HHAT: variants seen among roughly 807,000 people sequenced by gnomAD.
HHAT encodes protein-cysteine N-palmitoyltransferase HHAT.
In HHAT, 47 loss-of-function variants were observed where a neutral mutation model predicts 70.8. That is an observed-to-expected ratio of 0.66 (90% CI 0.53 to 0.85). The LOEUF is 0.85. Ranked by LOEUF, HHAT falls within the 40% of genes least tolerant of loss-of-function variation. HHAT has a pLI of 0.00. For missense variants in HHAT, 609 were observed against 604.8 expected (o/e 1.01, Z -0.07); for synonymous variants, 228 against 247.6 (o/e 0.92, Z 0.74).
At chr1:210,499,278 C>A (rs1483202195) in intron 8 of HHAT, among the ~76,000 whole-genome samples, 1 of 152,174 alleles carries the variant, frequency 6.6e-6, no homozygotes, top group Non-Finnish European at 1.5e-5. Context: ...GTGACATTGA[C>A]AGTTCACAAA....
chr1:210,651,091 A>G (rs1158595682), intron 11 of HHAT, among the ~76,000 whole-genome samples: 1 of 152,204 alleles, frequency 6.6e-6, no homozygotes, highest in Non-Finnish European at 1.5e-5. Context: ...TCACAGGAGA[A>G]AGAGAACACT....
intron 11 of HHAT, among the ~76,000 whole-genome samples, chr1:210,670,030 G>C (rs1679766952): frequency 6.6e-6 from 1 of 152,146 alleles, no homozygotes; most frequent in South Asian, 2.1e-4. Flanking sequence ...GTGGACTGCA[G>C]GGGGAGGAAG....
chr1:210,425,465 A>G (rs1309259822), intron 7 of HHAT, among the ~76,000 whole-genome samples: 2 of 151,966 alleles, frequency 1.3e-5, no homozygotes, highest in Non-Finnish European at 2.9e-5. Context: ...CAGGATTTTT[A>G]TAGTTTTGGG....
chr1:210,419,548 A>G (rs1235155138), intron 7 of HHAT, among the ~76,000 whole-genome samples: 1 of 152,222 alleles, frequency 6.6e-6, no homozygotes, highest in African/African-American at 2.4e-5. Flanking sequence ...GTGATCCTCC[A>G]GGCAGATCAA....
intron 11 of HHAT, among the ~76,000 whole-genome samples, chr1:210,629,646 T>TA (rs1374322517): frequency 6.6e-6 from 1 of 152,216 alleles, no homozygotes; most frequent in Non-Finnish European, 1.5e-5. Flanking sequence ...CTGGAGGCTA[T>TA]AGGGGAGAAG....
At chr1:210,491,531 GCTT>G (rs1480849684) in intron 8 of HHAT, among the ~76,000 whole-genome samples, 1 of 152,168 alleles carries the variant, frequency 6.6e-6, no homozygotes, top group Non-Finnish European at 1.5e-5. Flanking sequence ...TTGGTTTTCA[GCTT>G]CTTCATCTGT....
intron 10 of HHAT, among the ~76,000 whole-genome samples, chr1:210,618,373 T>G (rs1243547195): frequency 6.6e-6 from 1 of 152,166 alleles, no homozygotes; most frequent in East Asian, 1.9e-4. Flanking sequence ...CCCTTGCCAT[T>G]GCCTTTTTCA....
intron 3 of HHAT, among the ~76,000 whole-genome samples, chr1:210,363,366 A>G (rs2088568783): frequency 6.6e-6 from 1 of 152,210 alleles, no homozygotes; most frequent in African/African-American, 2.4e-5. Context: ...GGGCGGTGCC[A>G]GGTGGCTGGC....
At chr1:210,427,790 A>G (rs2093110385) in intron 7 of HHAT, among the ~76,000 whole-genome samples, 1 of 152,062 alleles carries the variant, frequency 6.6e-6, no homozygotes, top group Admixed American at 6.6e-5. Flanking sequence ...TTGGGCGGAA[A>G]GTTCTGCAGA....
chr1:210,422,268 G>A (rs1399543572), intron 7 of HHAT, among the ~76,000 whole-genome samples: 1 of 152,110 alleles, frequency 6.6e-6, no homozygotes, highest in Non-Finnish European at 1.5e-5. Flanking sequence ...TCATTTCTTT[G>A]TGTTGGGAAC....
intron 10 of HHAT, among the ~76,000 whole-genome samples, chr1:210,594,530 T>C (rs901345739): frequency 2.6e-5 from 4 of 152,214 alleles, no homozygotes; most frequent in Non-Finnish European, 5.9e-5. Context: ...TTAAAAGTTG[T>C]TGTTGTTATT....
rs1304901524 is a variant in HHAT, at chr1:210,349,074, C to T, written c.91+8C>T. ...TTTACAAAGTCTCCAGAGGTAAGGC[C>T]CCAAGCTTTTCAGACCTCCTATCAA... On this transcript the variant is annotated splice_region_variant and intron_variant, in intron 2 of 11. Transcript: ENST00000261458. 6 of 1,612,410 alleles carry T rather than the reference C, an allele frequency of 3.7e-6. No homozygotes were observed. The highest frequency in any genetic ancestry group is 5.1e-6 in the Non-Finnish European group (6 of 1,179,598).
At chr1:210,527,736 A>AG (rs2095268495) in intron 9 of HHAT, among the ~76,000 whole-genome samples, 2 of 152,230 alleles carry the variant, frequency 1.3e-5, no homozygotes, top group African/African-American at 4.8e-5. Context: ...GTGCGCCAAC[A>AG]GGGTGGCCCT....
At chr1:210,399,589 C>G (rs1191611777) in intron 4 of HHAT, among the ~76,000 whole-genome samples, 1 of 152,096 alleles carries the variant, frequency 6.6e-6, no homozygotes, top group East Asian at 1.9e-4. Context: ...TCAGGTCACA[C>G]AGGTAGTTAT....
At chr1:210,614,656 G>A (rs1217151088) in intron 10 of HHAT, among the ~76,000 whole-genome samples, 2 of 152,078 alleles carry the variant, frequency 1.3e-5, no homozygotes, top group East Asian at 1.9e-4. Flanking sequence ...GTGAGAACAT[G>A]CGGTGTTTGG....
intron 11 of HHAT, among the ~76,000 whole-genome samples, chr1:210,639,777 G>A (rs78396241): frequency 6.6e-4 from 100 of 152,254 alleles, no homozygotes; most frequent in African/African-American, 2.3e-3. Context: ...TTGTGTCATC[G>A]TTAGTATGAT....
At chr1:210,673,585 CTTCT>C (rs1362352229) in intron 11 of HHAT, among the ~76,000 whole-genome samples, 2 of 88,376 alleles carry the variant, frequency 2.3e-5, no homozygotes, top group East Asian at 5.9e-4. Context: ...AACGTGGATT[CTTCT>C]TTTTTTTTTT....
chr1:210,538,413 T>C (rs1174953359), intron 9 of HHAT, among the ~76,000 whole-genome samples: 1 of 152,156 alleles, frequency 6.6e-6, no homozygotes, highest in Admixed American at 6.5e-5. Context: ...AAAAATATTT[T>C]AAAACTTTAG....
intron 9 of HHAT, among the ~76,000 whole-genome samples, chr1:210,560,308 G>GT (rs550696278): frequency 6.6e-6 from 1 of 152,020 alleles, no homozygotes; most frequent in Admixed American, 6.6e-5. Context: ...AGAGTCAAAG[G>GT]TTTTTTTCCC....
Sources: gnomAD v4.1 joint callset for allele counts (sites outside exome capture counted in the v4.1 genomes callset) on GRCh38, gnomAD v4.1.1 for gene constraint, MANE v1.5 for transcripts, NCBI Gene and HGNC (gene_info 2026-07-23, HGNC 2026-07-21) for gene names.